Variants in NKAIN2 observed in about 807,000 individuals in gnomAD.
NKAIN2 encodes sodium/potassium transporting ATPase interacting 2, also known as sodium/potassium-transporting ATPase subunit beta-1-interacting protein 2.
Under a neutral mutation model 32.6 loss-of-function variants are expected in NKAIN2, and 14 were observed. The observed-to-expected ratio is 0.43, with a 90% CI of 0.28 to 0.67. NKAIN2 has a LOEUF of 0.67. NKAIN2 is among the 30% of genes least tolerant of loss of function. The probability of loss-of-function intolerance (pLI) is 0.17; values close to 1 mark genes in which losing one functional copy is unlikely to be tolerated. For missense variants in NKAIN2, 198 were observed against 258.3 expected, an observed-to-expected ratio of 0.77 and a Z score of 1.60; for synonymous variants, 80 against 87.2, an observed-to-expected ratio of 0.92 and a Z score of 0.46.
At chr6:124,693,883 A>G (rs1774371814) in intron 4 of NKAIN2, among the ~76,000 whole-genome samples, 1 of 152,136 alleles carries the variant, frequency 6.6e-6, no homozygotes, top group Non-Finnish European at 1.5e-5. Flanking sequence ...TCCAAGCGGG[A>G]ACAGTATACA....
In NKAIN2 at chr6:124,210,356, A is replaced by T. The variant is rs372651575; in HGVS notation, c.55-72649A>T. Among the ~76,000 whole-genome samples, 3 of 151,810 alleles carry T rather than the reference A, an allele frequency of 2.0e-5. No individual in the cohort carries two copies. In the South Asian group the frequency reaches 6.2e-4, roughly 31 times the overall value. On this transcript the variant is annotated intron_variant, in intron 1 of 6. Coordinates refer to ENST00000368417, the MANE Select transcript of NKAIN2 (RefSeq NM_001040214.3). ...TTACTATAACTATGTAGTATAGTTA[A>T]AAGTCAGGTAATGTGATCCTGTCTA...
At chr6:124,401,018 CATT>C (rs774854781) in intron 3 of NKAIN2, among the ~76,000 whole-genome samples, 3 of 152,106 alleles carry the variant, frequency 2.0e-5, no homozygotes, top group Non-Finnish European at 4.4e-5. Context: ...TTTCAAATGT[CATT>C]ATGCTTGTTT....
intron 2 of NKAIN2, among the ~76,000 whole-genome samples, chr6:124,290,477 T>A (rs1300834525): frequency 2.0e-5 from 3 of 151,534 alleles, no homozygotes; most frequent in Non-Finnish European, 4.4e-5. Flanking sequence ...CTGTTCCTCA[T>A]CTCTTTATAG....
At chr6:124,570,929 T>A (rs1781103544) in intron 3 of NKAIN2, among the ~76,000 whole-genome samples, 1 of 152,176 alleles carries the variant, frequency 6.6e-6, no homozygotes, top group African/African-American at 2.4e-5. Context: ...AGGGATGTTA[T>A]ACCCTGCAAA....
chr6:123,957,291 A>G (rs1777638233), intron 1 of NKAIN2, among the ~76,000 whole-genome samples: 1 of 152,228 alleles, frequency 6.6e-6, no homozygotes, highest in Non-Finnish European at 1.5e-5. Context: ...AATCATCATT[A>G]TACTGAATCA....
intron 1 of NKAIN2, among the ~76,000 whole-genome samples, chr6:124,120,767 T>G (rs2114988099): frequency 6.6e-6 from 1 of 152,264 alleles, no homozygotes; most frequent in East Asian, 1.9e-4. Flanking sequence ...ATGTAAAACC[T>G]TAATACAAGT....
At position 123,917,631 on chromosome 6, in the gene NKAIN2, C is replaced by T. The variant is rs566999369; in HGVS notation, c.54+113377C>T. Among the ~76,000 whole-genome samples, 46 of 152,142 alleles carry T rather than the reference C, an allele frequency of 3.0e-4. 1 individual carries two copies. In the South Asian group the frequency reaches 3.3e-3, roughly 11 times the overall value. Reference sequence around the variant, plus strand: ...TTCTGCTCTTGGGCCTTTCCTTTTCCGCTTGTATTCCTTTTCTACATCCCT... The same window carrying T: ...TTCTGCTCTTGGGCCTTTCCTTTTCTGCTTGTATTCCTTTTCTACATCCCT... On this transcript the variant is annotated intron_variant, in intron 1 of 6. Transcript: ENST00000368417.
chr6:124,545,667 A>C, intron 3 of NKAIN2, among the ~76,000 whole-genome samples: 1 of 151,430 alleles, frequency 6.6e-6, no homozygotes, highest in Admixed American at 6.6e-5. Flanking sequence ...ATATATATAT[A>C]ATATTTATTA....
At chr6:124,300,772 G>T (rs557594017) in intron 2 of NKAIN2, among the ~76,000 whole-genome samples, 1 of 152,296 alleles carries the variant, frequency 6.6e-6, no homozygotes, top group East Asian at 1.9e-4. Flanking sequence ...CTGGCATTTT[G>T]CCCCTGCCCT....
At chr6:124,551,939 G>A (rs1780302276) in intron 3 of NKAIN2, among the ~76,000 whole-genome samples, 2 of 152,120 alleles carry the variant, frequency 1.3e-5, no homozygotes, top group South Asian at 4.1e-4. Flanking sequence ...ATTCATGAGA[G>A]TGTTAGTAAT....
In NKAIN2 at chr6:124,741,812, G is replaced by A. The variant is rs113361119; in HGVS notation, c.475-49527G>A. ...TTATCCTCATCATGGGTTTCAATGT[G>A]TAAGCCACTTTGATTCCCCTTAGAA... On this transcript the variant is annotated intron_variant, in intron 4 of 6. Transcript: ENST00000368417. Among the ~76,000 whole-genome samples, 359 of 151,930 alleles carry A rather than the reference G, an allele frequency of 2.4e-3. 4 individuals are homozygous for A. Among genetic ancestry groups the A allele is most frequent in the African/African-American group, 8.1e-3 (338 of 41,482 alleles).
At chr6:124,622,087 T>G (rs1013443958) in intron 3 of NKAIN2, among the ~76,000 whole-genome samples, 8 of 152,314 alleles carry the variant, frequency 5.3e-5, no homozygotes, top group African/African-American at 1.9e-4. Flanking sequence ...GGTCAGAAGT[T>G]CAAACCAAGG....
intron 6 of NKAIN2, among the ~76,000 whole-genome samples, chr6:124,820,073 T>C (rs1781328690): frequency 6.6e-6 from 1 of 152,192 alleles, no homozygotes; most frequent in Non-Finnish European, 1.5e-5. Flanking sequence ...ATATTTCTTT[T>C]ATTTCTTTCC....
chr6:124,410,686 G>T (rs1034071124), intron 3 of NKAIN2, among the ~76,000 whole-genome samples: 1 of 152,156 alleles, frequency 6.6e-6, no homozygotes, highest in Non-Finnish European at 1.5e-5. Context: ...ATTTGGGGTG[G>T]AGAGTTCTGT....
intron 1 of NKAIN2, among the ~76,000 whole-genome samples, chr6:124,198,974 G>C (rs1230216053): frequency 6.6e-6 from 1 of 152,140 alleles, no homozygotes; most frequent in Non-Finnish European, 1.5e-5. Flanking sequence ...TTCAGTGGGG[G>C]TGGAAATCCT....
At chr6:124,627,742 G>A (rs778694537) in intron 3 of NKAIN2, among the ~76,000 whole-genome samples, 10 of 152,140 alleles carry the variant, frequency 6.6e-5, no homozygotes, top group South Asian at 4.1e-4. Flanking sequence ...GTACTCAGTC[G>A]TCTTAGTTAT....
At chr6:124,454,745 G>C (rs944053964) in intron 3 of NKAIN2, among the ~76,000 whole-genome samples, 4 of 151,986 alleles carry the variant, frequency 2.6e-5, no homozygotes, top group Non-Finnish European at 4.4e-5. Flanking sequence ...AGTGGAAGAA[G>C]GGTGGTGTCT....
intron 5 of NKAIN2, among the ~76,000 whole-genome samples, chr6:124,796,519 A>T (rs1010808069): frequency 1.3e-5 from 2 of 152,090 alleles, no homozygotes; most frequent in Non-Finnish European, 2.9e-5. Flanking sequence ...TTGAGGATAG[A>T]TGCAGCTCAC....
intron 2 of NKAIN2, among the ~76,000 whole-genome samples, chr6:124,330,155 T>C (rs1797597075): frequency 6.6e-6 from 1 of 152,204 alleles, no homozygotes; most frequent in Non-Finnish European, 1.5e-5. Flanking sequence ...AGAGTTTCAG[T>C]GTTACTGAAT....
Sources: gnomAD v4.1 joint callset for allele counts (sites outside exome capture counted in the v4.1 genomes callset) on GRCh38, gnomAD v4.1.1 for gene constraint, MANE v1.5 for transcripts, NCBI Gene and HGNC (gene_info 2026-07-23, HGNC 2026-07-21) for gene names.